FBXO28: variants seen among roughly 807,000 people sequenced by gnomAD.
FBXO28 encodes F-box only protein 28.
In FBXO28, 8 loss-of-function variants were observed where a neutral mutation model predicts 38.1. The observed-to-expected ratio is 0.21, with a 90% CI of 0.12 to 0.38. FBXO28 has a LOEUF of 0.38. Ranked by LOEUF, FBXO28 falls within the 10% of genes least tolerant of loss-of-function variation. The pLI, the probability that FBXO28 is intolerant of heterozygous loss-of-function variation, is 1.00. For synonymous variants in FBXO28, 168 were observed against 173.8 expected, an observed-to-expected ratio of 0.97 and a Z score of 0.26; for missense variants, 345 against 460.6, an observed-to-expected ratio of 0.75 and a Z score of 2.30.
chr1:224,147,250 G>A (rs928608393), intron 3 of FBXO28, among the ~76,000 whole-genome samples: 16 of 150,946 alleles, frequency 1.1e-4, no homozygotes, highest in South Asian at 8.4e-4. Context: ...TGGTGAACCC[G>A]CATCTCTACT....
In FBXO28 at chr1:224,145,756, C is replaced by T. The variant is rs112533146; in HGVS notation, c.517-7386C>T. ...TGGCCAACATGGTGAAACTCCACCT[C>T]TACTAAAAGTACAAAAATTATCCGG... On this transcript the variant is annotated intron_variant, in intron 3 of 4. Transcript: ENST00000366862. 3.8e-3 allele frequency among the ~76,000 whole-genome samples: 571 copies of T among 152,176 alleles called. 6 individuals are homozygous for T. Among genetic ancestry groups the T allele is most frequent in the African/African-American group, 0.013 (542 of 41,508 alleles).
chr1:224,114,726 G>T (rs1235941576), intron 1 of FBXO28, among the ~76,000 whole-genome samples: 1 of 150,656 alleles, frequency 6.6e-6, no homozygotes, highest in African/African-American at 2.4e-5. Flanking sequence ...AGTAGACCCG[G>T]AGAGGTCATG....
chr1:224,154,497 C>G, intron 4 of FBXO28, among the ~76,000 whole-genome samples: 1 of 150,764 alleles, frequency 6.6e-6, no homozygotes, highest in East Asian at 2.0e-4. Context: ...ATGGTAAAAC[C>G]GTGTCTCTAC....
At chr1:224,128,122 G>A (rs1656947782) in intron 1 of FBXO28, among the ~76,000 whole-genome samples, 1 of 152,042 alleles carries the variant, frequency 6.6e-6, no homozygotes, top group Non-Finnish European at 1.5e-5. Flanking sequence ...CTTACATCAA[G>A]AGTTTCATCA....
rs1657817642 is a variant in FBXO28, at chr1:224,158,307, A to G, written c.*561A>G. 1.3e-6 allele frequency: 1 copy of G among 744,624 alleles called. No homozygotes were observed. The allele number at this position is 744,624 out of a possible 1,614,324, so 46.1% of individuals were successfully genotyped here. A position where few individuals can be genotyped will look rare whatever the true frequency, so the allele number is the denominator to read the frequency against. On this transcript the variant is annotated 3_prime_UTR_variant, in exon 5 of 5. Transcript: ENST00000366862. Reference sequence around the variant, plus strand: ...AGTATTGACTGTAGAAGGAGCCTCTACAATATTGACTATATATTTTTATAA... The same window carrying G: ...AGTATTGACTGTAGAAGGAGCCTCTGCAATATTGACTATATATTTTTATAA...
At chr1:224,142,968 A>C (rs537611386) in intron 3 of FBXO28, among the ~76,000 whole-genome samples, 1 of 152,068 alleles carries the variant, frequency 6.6e-6, no homozygotes, top group Non-Finnish European at 1.5e-5. Flanking sequence ...GTGCCACTGA[A>C]CTCCAGCCTG....
At position 224,161,394 on chromosome 1, in the gene FBXO28, A is replaced by G. The variant is rs1408261820; in HGVS notation, c.*3648A>G. 1 of 152,246 alleles carries G rather than the reference A, an allele frequency of 6.6e-6. No individual in the cohort carries two copies. Among genetic ancestry groups the G allele is most frequent in the East Asian group, 1.9e-4 (1 of 5,204 alleles). 9.4% of individuals were successfully genotyped at this position (152,246 alleles called of 1,614,324 possible). On this transcript the variant is annotated 3_prime_UTR_variant, in exon 5 of 5. Transcript: ENST00000366862. ...AGCCAGGAATAAAAGGCAGTCTGAA[A>G]GAAAACGTCCTATACGATGCAGTTG...
chr1:224,151,285 T>A (rs1657642043), intron 3 of FBXO28, among the ~76,000 whole-genome samples: 1 of 152,144 alleles, frequency 6.6e-6, no homozygotes, highest in Non-Finnish European at 1.5e-5. Flanking sequence ...CATCTCCCAT[T>A]GCATCTGCCT....
Position 224,146,731 on chromosome 1 carries a change from T to C in FBXO28, c.517-6411T>C, listed in dbSNP as rs533679930. 6.3e-4 allele frequency among the ~76,000 whole-genome samples: 81 copies of C among 129,122 alleles called. No individual in the cohort carries two copies. The South Asian group carries it at 0.019, about 31-fold the overall frequency. The allele number at this position is 129,122 out of a possible 152,430, so 84.7% of individuals were successfully genotyped here. A position where few individuals can be genotyped will look rare whatever the true frequency, so the allele number is the denominator to read the frequency against. Reference sequence around the variant, plus strand: ...TTTTTTTTTTTTTTTTTTGGGAGACTGAGTCTTGCTGTGTCGCCCAGGCTG... The same window carrying C: ...TTTTTTTTTTTTTTTTTTGGGAGACCGAGTCTTGCTGTGTCGCCCAGGCTG... On this transcript the variant is annotated intron_variant, in intron 3 of 4. Coordinates refer to ENST00000366862, the MANE Select transcript of FBXO28 (RefSeq NM_015176.4).
chr1:224,123,042 A>G (rs1243330956), intron 1 of FBXO28, among the ~76,000 whole-genome samples: 1 of 151,848 alleles, frequency 6.6e-6, no homozygotes, highest in Non-Finnish European at 1.5e-5. Context: ...GACCTTGGAC[A>G]AATCACATAA....
intron 1 of FBXO28, 136 bp from the exon 2 acceptor site, chr1:224,130,336 C>T (rs942171601): frequency 1.9e-5 from 11 of 579,704 alleles, no homozygotes; most frequent in South Asian, 1.1e-4. Flanking sequence ...AGTGAGACTT[C>T]GTCTCAAAAA....
intron 3 of FBXO28, among the ~76,000 whole-genome samples, chr1:224,149,410 C>CA (rs1295256755): frequency 6.6e-6 from 1 of 151,870 alleles, no homozygotes; most frequent in Non-Finnish European, 1.5e-5. Flanking sequence ...AGGCTGGTCT[C>CA]AAACTCCTGT....
intron 1 of FBXO28, among the ~76,000 whole-genome samples, chr1:224,121,505 T>C (rs1163147241): frequency 1.3e-5 from 2 of 152,158 alleles, no homozygotes; most frequent in Non-Finnish European, 2.9e-5. Flanking sequence ...TCTTAGGCAG[T>C]AGGTAGAAGA....
At position 224,114,430 on chromosome 1, in the gene FBXO28, C is replaced by T. The variant is rs1015507366; in HGVS notation, c.267+34C>T. 4.8e-6 allele frequency: 7 copies of T among 1,459,572 alleles called. No individual in the cohort carries two copies. In the African/African-American group the frequency reaches 6.9e-5, roughly 14 times the overall value. The allele number at this position is 1,459,572 out of a possible 1,614,324, so 90.4% of individuals were successfully genotyped here. A position where few individuals can be genotyped will look rare whatever the true frequency, so the allele number is the denominator to read the frequency against. On this transcript the variant is annotated intron_variant, in intron 1 of 4. Coordinates refer to ENST00000366862, the MANE Select transcript of FBXO28 (RefSeq NM_015176.4). The stretch of plus-strand genomic sequence containing the variant: ...CCCGCAGAACTCCTGCCTCCCTCTC[C>T]CCCCGGCCGAGGTCTGGGAGATGAG...
Position 224,159,741 on chromosome 1 carries a change from C to G in FBXO28, c.*1995C>G, listed in dbSNP as rs1657855778. 6.6e-6 allele frequency: 1 copy of G among 152,034 alleles called. No individual in the cohort carries two copies. The highest frequency in any genetic ancestry group is 1.5e-5 in the Non-Finnish European group (1 of 68,006). 9.4% of individuals were successfully genotyped at this position (152,034 alleles called of 1,614,324 possible). On this transcript the variant is annotated 3_prime_UTR_variant, in exon 5 of 5. Coordinates refer to ENST00000366862, the MANE Select transcript of FBXO28 (RefSeq NM_015176.4). ...TTTTACGTATCAAAGCATGTGTTTACAGATTTACAGAGTGTGATCCGTATG... is the reference window on the plus strand; with the variant it reads ...TTTTACGTATCAAAGCATGTGTTTAGAGATTTACAGAGTGTGATCCGTATG...
chr1:224,130,569 C>G lies in FBXO28; in HGVS notation c.365C>G (p.Ala122Gly), dbSNP rs750093354. 1 of 1,609,486 alleles carries G rather than the reference C, an allele frequency of 6.2e-7. No individual in the cohort carries two copies. Among genetic ancestry groups the G allele is most frequent in the Non-Finnish European group, 8.5e-7 (1 of 1,175,926 alleles). ...YHNLCQKQVK[A>G]QLPRRESERR... ...AATCTATGTCAGAAACAAGTTAAAGCACAACTCCCAAGGTATGTTGTGGGT... is the reference window on the plus strand; with the variant it reads ...AATCTATGTCAGAAACAAGTTAAAGGACAACTCCCAAGGTATGTTGTGGGT... Residue 122 changes from alanine (A) to glycine (G), a missense_variant, in exon 2 of 5, where the codon GCA becomes GGA. Physicochemically the swap from Ala to Gly is moderately conservative, Grantham distance 60. Around this residue, in one of 6 missense-constraint regions of FBXO28, gnomAD observed 56 missense variants for 99.8 expected, o/e 0.56. Transcript: ENST00000366862.
At chr1:224,153,878 G>A (rs533901616) in intron 4 of FBXO28, among the ~76,000 whole-genome samples, 25 of 150,124 alleles carry the variant, frequency 1.7e-4, no homozygotes, top group Admixed American at 7.4e-4. Context: ...CCAGATTCGC[G>A]CCATTGCACT....
At position 224,145,871 on chromosome 1, in the gene FBXO28, C is replaced by A. The variant is rs867477879; in HGVS notation, c.517-7271C>A. Among the ~76,000 whole-genome samples, 39 of 152,096 alleles carry A rather than the reference C, an allele frequency of 2.6e-4. 1 individual carries two copies. Among genetic ancestry groups the A allele is most frequent in the Non-Finnish European group, 2.9e-5 (2 of 68,022 alleles). ...TCACCAGAGGTCGGGAGTTTGAGAC[C>A]AGCCTGACCAACATGGAGAAACCCA... is the stretch of plus-strand genomic sequence containing the variant. On this transcript the variant is annotated intron_variant, in intron 3 of 4. Coordinates refer to ENST00000366862, the MANE Select transcript of FBXO28 (RefSeq NM_015176.4).
At chr1:224,138,962 T>G (rs1257318249) in intron 3 of FBXO28, among the ~76,000 whole-genome samples, 2 of 151,700 alleles carry the variant, frequency 1.3e-5, no homozygotes, top group Non-Finnish European at 2.9e-5. Context: ...TTTTTGTATT[T>G]TTAATAGAGA....
Sources: allele counts gnomAD v4.1 joint callset (sites outside exome capture counted in the v4.1 genomes callset), GRCh38; gene constraint gnomAD v4.1.1; regional missense constraint gnomAD v4.1.1; transcripts MANE v1.5; gene names NCBI Gene and HGNC (gene_info 2026-07-23, HGNC 2026-07-21).